The following ITPK1 variants were observed in gnomAD, a reference collection of about 807,000 sequenced individuals.
The protein encoded by ITPK1 is inositol 1,3,4-trisphosphate 5/6-kinase.
ITPK1 carries 21 observed loss-of-function variants against 45.3 expected under a neutral mutation model. The ratio of observed to expected loss-of-function variants is 0.46; its 90% CI spans 0.33 to 0.67. The LOEUF is 0.67. Among genes scored for constraint, ITPK1 ranks in the 30% least tolerant of loss-of-function variants. The pLI is 0.02. For missense variants in ITPK1, 474 were observed against 573.5 expected (o/e 0.83, Z 1.77); for synonymous variants, 258 against 253.6 (o/e 1.02, Z -0.16).
At chr14:92,969,153 T>C (rs762214770) in intron 5 of ITPK1, among the ~76,000 whole-genome samples, 4 of 152,068 alleles carry the variant, frequency 2.6e-5, no homozygotes, top group Admixed American at 1.3e-4. Context: ...GAAAAACATG[T>C]TGAGCCTCTA....
intron 2 of ITPK1, among the ~76,000 whole-genome samples, chr14:93,112,367 T>C (rs1489103871): frequency 6.6e-6 from 1 of 151,922 alleles, no homozygotes; most frequent in Non-Finnish European, 1.5e-5. Flanking sequence ...AGGCCGGACA[T>C]TCAGCTAAAC....
rs1889230161 is a variant in ITPK1, at chr14:93,034,520, C to T, written c.121-17719G>A. ...AATGGGGAGGCGGGCTCCACCACAG[C>T]TGGCCCCCACTGGGCTGGGAGATCT... On this transcript the variant is annotated intron_variant, in intron 3 of 10. Transcript: ENST00000267615. The surrounding 1 kb of genome is among the most constrained non-coding windows in gnomAD (Gnocchi z 4.1). 6.6e-6 allele frequency among the ~76,000 whole-genome samples: 1 copy of T among 152,206 alleles called. No individual in the cohort carries two copies.
At chr14:93,040,169 AT>A (rs1462670534) in intron 3 of ITPK1, among the ~76,000 whole-genome samples, 1 of 152,220 alleles carries the variant, frequency 6.6e-6, no homozygotes, top group East Asian at 1.9e-4. Context: ...TATGCTCATG[AT>A]TTCTCTGGGA....
chr14:92,986,071 T>TG (rs2139792655), intron 5 of ITPK1, among the ~76,000 whole-genome samples: 1 of 152,308 alleles, frequency 6.6e-6, no homozygotes, highest in African/African-American at 2.4e-5. Flanking sequence ...GAGACAGCAC[T>TG]GGACTGAGAG....
chr14:93,015,559 C>T (rs1239130219), intron 4 of ITPK1, among the ~76,000 whole-genome samples: 3 of 152,244 alleles, frequency 2.0e-5, no homozygotes, highest in Admixed American at 6.5e-5. Context: ...GTCTCCAGTC[C>T]GATCAAGGAG....
At chr14:92,963,123 TGACAA>T (rs1476083717) in intron 5 of ITPK1, among the ~76,000 whole-genome samples, 1 of 152,230 alleles carries the variant, frequency 6.6e-6, no homozygotes, top group Non-Finnish European at 1.5e-5. Context: ...ATGTACATAT[TGACAA>T]GACATTACAA....
intron 2 of ITPK1, among the ~76,000 whole-genome samples, chr14:93,082,509 C>T (rs1041526956): frequency 2.6e-5 from 4 of 152,222 alleles, no homozygotes; most frequent in South Asian, 2.1e-4. Flanking sequence ...TCATCCCACA[C>T]GGGCTTTAAG....
intron 3 of ITPK1, chr14:93,070,904 A>G (rs1890968866): frequency 6.5e-6 from 1 of 153,812 alleles, no homozygotes; most frequent in Admixed American, 6.5e-5. Context: ...CCAACTCAAC[A>G]CTGAAATGGT....
At chr14:92,969,332 G>A (rs142155917) in intron 5 of ITPK1, among the ~76,000 whole-genome samples, 3 of 152,024 alleles carry the variant, frequency 2.0e-5, no homozygotes, top group Admixed American at 6.5e-5. Context: ...TGGGGGTGCC[G>A]GCAGAGGTGG....
chr14:92,970,981 A>G (rs1885622792), intron 5 of ITPK1, among the ~76,000 whole-genome samples: 1 of 151,958 alleles, frequency 6.6e-6, no homozygotes, highest in African/African-American at 2.4e-5. Context: ...CCACCCCCGG[A>G]CTTCTCAGGC....
chr14:93,097,863 G>T (rs2140017047), intron 2 of ITPK1, among the ~76,000 whole-genome samples: 1 of 150,890 alleles, frequency 6.6e-6, no homozygotes, highest in African/African-American at 2.4e-5. Context: ...ACAAAAATTA[G>T]CCAGGCATGG....
chr14:93,017,311 A>C (rs1888229908), intron 3 of ITPK1, among the ~76,000 whole-genome samples: 1 of 152,266 alleles, frequency 6.6e-6, no homozygotes, highest in African/African-American at 2.4e-5. Flanking sequence ...TGTGGTCCTC[A>C]GGAATCTAGA....
Position 93,076,417 on chromosome 14 carries a change from C to T in ITPK1, c.120+178G>A, listed in dbSNP as rs970119420. On this transcript the variant is annotated intron_variant, in intron 3 of 10. Coordinates refer to ENST00000267615, the MANE Select transcript of ITPK1 (RefSeq NM_014216.6). This position sits in a 1 kb window ranked among gnomAD's most constrained non-coding sequence, Gnocchi z 4.3. ...CCCTCCAAACCCGAGAAGCCCCTGT[C>T]GGAGTCTGCCCAGGCCAGGGCAGAA... Among the ~76,000 whole-genome samples the T allele has an allele frequency of 3.9e-5, 6 of 152,046 alleles. No homozygotes were observed. The highest frequency in any genetic ancestry group is 4.2e-4 in the South Asian group (2 of 4,814).
chr14:93,019,165 C>CT (rs1355012931), intron 3 of ITPK1, among the ~76,000 whole-genome samples: 1 of 152,202 alleles, frequency 6.6e-6, no homozygotes, highest in Non-Finnish European at 1.5e-5. Flanking sequence ...GCCAAGACAG[C>CT]TACGAGCGCA....
intron 3 of ITPK1, among the ~76,000 whole-genome samples, chr14:93,055,221 C>A (rs1203714821): frequency 1.3e-5 from 2 of 152,208 alleles, no homozygotes; most frequent in Non-Finnish European, 2.9e-5. Context: ...AATGGGCATG[C>A]GTGCTGTCTC....
chr14:92,962,288 A>G, intron 7 of ITPK1, 67 bp downstream of exon 7: 1 of 1,138,160 alleles, frequency 8.8e-7, no homozygotes, highest in Non-Finnish European at 1.3e-6. Context: ...CCGGCAGGGT[A>G]GCAGTGAGAC....
chr14:93,095,743 C>A (rs765904882), intron 2 of ITPK1, among the ~76,000 whole-genome samples: 1 of 151,884 alleles, frequency 6.6e-6, no homozygotes, highest in Non-Finnish European at 1.5e-5. Flanking sequence ...CCTTGCCCCC[C>A]TCTCCCATTT....
At chr14:92,942,783 T>A (rs552642706) in intron 10 of ITPK1, among the ~76,000 whole-genome samples, 2 of 152,194 alleles carry the variant, frequency 1.3e-5, no homozygotes, top group Non-Finnish European at 2.9e-5. Flanking sequence ...AGGGGAGGAT[T>A]CTGCTGGCTC....
intron 2 of ITPK1, among the ~76,000 whole-genome samples, chr14:93,084,001 C>T (rs1891553136): frequency 6.6e-6 from 1 of 152,262 alleles, no homozygotes; most frequent in Non-Finnish European, 1.5e-5. Flanking sequence ...CTCAGTGCCA[C>T]TGTGTTGTCC....
Sources: gnomAD v4.1 joint callset for allele counts (sites outside exome capture counted in the v4.1 genomes callset) on GRCh38, gnomAD v4.1.1 for gene constraint, Gnocchi (gnomAD v3.1) non-coding constraint, MANE v1.5 for transcripts, NCBI Gene and HGNC (gene_info 2026-07-23, HGNC 2026-07-21) for gene names.